Variants in RDH12 observed in about 807,000 individuals in gnomAD.
RDH12 encodes all-trans and 9-cis retinol dehydrogenase.
Under a neutral mutation model 34.0 loss-of-function variants are expected in RDH12, and 21 were observed. The ratio of observed to expected loss-of-function variants is 0.62; its 90% CI spans 0.44 to 0.89. The LOEUF is 0.89. Ranked by LOEUF, RDH12 falls within the 40% of genes least tolerant of loss-of-function variation. RDH12 has a pLI of 0.00. For missense variants in RDH12, 394 were observed against 398.6 expected, an observed-to-expected ratio of 0.99 and a Z score of 0.10; for synonymous variants, 198 against 169.9, an observed-to-expected ratio of 1.17 and a Z score of -1.29.
chr14:67,720,808 T>C (rs1450711137), intron 1 of RDH12, 40 bp from the exon 2 acceptor site: 2 of 152,268 alleles, frequency 1.3e-5, no homozygotes, highest in Admixed American at 6.5e-5. Flanking sequence ...ATTTTCATAA[T>C]TCTAGATGCC....
At chr14:67,722,100 A>T (rs938823089) in intron 2 of RDH12, among the ~76,000 whole-genome samples, 1 of 152,196 alleles carries the variant, frequency 6.6e-6, no homozygotes, top group South Asian at 2.1e-4. Flanking sequence ...AGTTCCAGTC[A>T]TCTCCCTCCC....
chr14:67,727,259 G>A, intron 7 of RDH12, 69 bp downstream of exon 7: 8 of 1,241,540 alleles, frequency 6.4e-6, no homozygotes, highest in Non-Finnish European at 9.2e-6. Flanking sequence ...AGCAACTTGG[G>A]AAGTCAGGCT....
intron 4 of RDH12, among the ~76,000 whole-genome samples, 165 bp downstream of exon 4, chr14:67,724,756 G>A (rs1393742860): frequency 1.3e-5 from 2 of 152,090 alleles, no homozygotes; most frequent in Admixed American, 1.3e-4. Context: ...CTTACACTGT[G>A]GCCTCCAATA....
At chr14:67,717,222 A>G (rs55900323) in intron 1 of RDH12, among the ~76,000 whole-genome samples, 20,075 of 152,190 alleles carry the variant, frequency 0.13, 1,367 homozygotes, top group East Asian at 0.21. Flanking sequence ...AAAGGCATAG[A>G]CTCATGTAAC....
intron 4 of RDH12, 23 bp from the exon 5 acceptor site, chr14:67,725,076 C>A (rs752720880): frequency 3.1e-6 from 5 of 1,613,594 alleles, no homozygotes; most frequent in South Asian, 2.2e-5. Flanking sequence ...GAACATACTG[C>A]TCTTTTTTTG....
chr14:67,730,277 A>G (rs2038252117), intron 8 of RDH12, among the ~76,000 whole-genome samples: 1 of 152,198 alleles, frequency 6.6e-6, no homozygotes, highest in Non-Finnish European at 1.5e-5. Context: ...ATCTGGCTCT[A>G]GAGCTGTGCC....
chr14:67,732,890 T>G (rs1306063595), intron 8 of RDH12, among the ~76,000 whole-genome samples: 1 of 152,108 alleles, frequency 6.6e-6, no homozygotes, highest in Admixed American at 6.5e-5. Context: ...CGTGATAGGC[T>G]TTTCTTCTTT....
intron 1 of RDH12, among the ~76,000 whole-genome samples, chr14:67,706,948 GAGGA>G (rs899603123): frequency 2.0e-5 from 3 of 152,148 alleles, no homozygotes; most frequent in African/African-American, 7.2e-5. Flanking sequence ...AAATTAGGGG[GAGGA>G]AGGGATACAA....
At chr14:67,727,828 A>G (rs11158686) in intron 7 of RDH12, 121,474 of 154,042 alleles carry the variant, frequency 0.79, 50,502 homozygotes, top group East Asian at 0.99. Context: ...AGGTGAGGGC[A>G]TCAGAACCGG....
chr14:67,718,194 C>T (rs1350057899), intron 1 of RDH12, among the ~76,000 whole-genome samples: 1 of 152,098 alleles, frequency 6.6e-6, no homozygotes, highest in Non-Finnish European at 1.5e-5. Flanking sequence ...GCTGTACGGG[C>T]TCCTTAGGGA....
chr14:67,703,972 T>A (rs796574238), intron 1 of RDH12, among the ~76,000 whole-genome samples: 30 of 152,326 alleles, frequency 2.0e-4, no homozygotes, highest in African/African-American at 5.1e-4. Flanking sequence ...GCCACTGTGC[T>A]TGGCCTGGCA....
intron 8 of RDH12, among the ~76,000 whole-genome samples, chr14:67,731,207 C>CTTTTTTTTTTTTTTTTTT (rs71129853): frequency 1.1e-5 from 1 of 90,622 alleles, no homozygotes; most frequent in Admixed American, 1.4e-4. Flanking sequence ...TTCTTTCTTT[C>CTTTTTTTTTTTTTTTTTT]TTTTTTTTTT....
At chr14:67,721,513 C>A (rs1023059865) in intron 2 of RDH12, among the ~76,000 whole-genome samples, 5 of 152,116 alleles carry the variant, frequency 3.3e-5, no homozygotes, top group African/African-American at 9.7e-5. Context: ...TCTTTACCAG[C>A]ATTTTCTTGT....
Position 67,724,742 on chromosome 14 carries a change from C to A in RDH12, c.187+151C>A, listed in dbSNP as rs145890343. On this transcript the variant is annotated intron_variant, in intron 4 of 8. Transcript: ENST00000551171. Reference sequence around the variant, plus strand: ...CTGGGATTCAAGTCCAACTGTGACACCAACTTACACTGTGGCCTCCAATAA... The same window carrying A: ...CTGGGATTCAAGTCCAACTGTGACAACAACTTACACTGTGGCCTCCAATAA... The A allele has an allele frequency of 2.2e-3, 1,589 of 706,560 alleles. 4 individuals carry two copies. The highest frequency in any genetic ancestry group is 3.3e-3 in the Non-Finnish European group (1,292 of 387,962). The allele number at this position is 706,560 out of a possible 1,614,324, so 43.8% of individuals were successfully genotyped here.
At chr14:67,718,420 T>C (rs527478509) in intron 1 of RDH12, among the ~76,000 whole-genome samples, 2 of 152,314 alleles carry the variant, frequency 1.3e-5, no homozygotes, top group South Asian at 2.1e-4. Flanking sequence ...ACCAGTACAG[T>C]ATGAGCTGCT....
intron 3 of RDH12, among the ~76,000 whole-genome samples, chr14:67,723,227 G>T (rs1354578144): frequency 2.0e-5 from 3 of 152,178 alleles, no homozygotes; most frequent in Non-Finnish European, 4.4e-5. Flanking sequence ...AGTGTGTTCT[G>T]AGTGGAGAAT....
intron 1 of RDH12, among the ~76,000 whole-genome samples, chr14:67,708,008 T>C (rs2037968292): frequency 1.3e-5 from 2 of 152,228 alleles, no homozygotes; most frequent in African/African-American, 4.8e-5. Context: ...GTTTCTCCAA[T>C]TGTGTCCTGT....
At chr14:67,710,726 C>CT (rs200935496) in intron 1 of RDH12, among the ~76,000 whole-genome samples, 50 of 147,234 alleles carry the variant, frequency 3.4e-4, no homozygotes, top group Middle Eastern at 3.5e-3. Context: ...AAAGGACACA[C>CT]TTTTTTTTTT....
chr14:67,707,904 C>T (rs1420213263), intron 1 of RDH12, among the ~76,000 whole-genome samples: 2 of 151,986 alleles, frequency 1.3e-5, no homozygotes, highest in Non-Finnish European at 2.9e-5. Flanking sequence ...AGGTAAGAGG[C>T]CAATTTTTCC....
Sources: gnomAD v4.1 joint callset for allele counts (sites outside exome capture counted in the v4.1 genomes callset) on GRCh38, gnomAD v4.1.1 for gene constraint, MANE v1.5 for transcripts, NCBI Gene and HGNC (gene_info 2026-07-23, HGNC 2026-07-21) for gene names.